The following SNRPG variants were observed in gnomAD, a reference collection of about 807,000 sequenced individuals.
SNRPG encodes small nuclear ribonucleoprotein G.
Under a neutral mutation model 13.9 loss-of-function variants are expected in SNRPG, and 3 were observed. The observed-to-expected ratio is 0.22, with a 90% confidence interval of 0.10 to 0.56. The LOEUF is 0.56. SNRPG is among the 20% of genes least tolerant of loss of function. SNRPG has a pLI of 0.93. For missense variants in SNRPG, 34 were observed against 96.1 expected, an observed-to-expected ratio of 0.35 and a Z score of 2.70; for synonymous variants, 29 against 29.3, an observed-to-expected ratio of 0.99 and a Z score of 0.03.
At chr2:70,289,943 CTAA>C (rs1183813547) in intron 1 of SNRPG, among the ~76,000 whole-genome samples, 1 of 151,368 alleles carries the variant, frequency 6.6e-6, no homozygotes, top group Non-Finnish European at 1.5e-5. Flanking sequence ...GTAGAGTATA[CTAA>C]TGTGAATTAC....
Position 70,289,388 on chromosome 2 carries a change from G to C in SNRPG, c.33-16C>G, listed in dbSNP as rs1366202887. On this transcript the variant is annotated splice_polypyrimidine_tract_variant and intron_variant, in intron 1 of 3. Coordinates refer to ENST00000272348, the MANE Select transcript of SNRPG (RefSeq NM_003096.4). ...GTCCATAAATCTGAAAAAGGAAAAG[G>C]GTAAAGATTATATAACCAATTAAAA... The C allele has an allele frequency of 1.4e-6, 2 of 1,381,146 alleles. No homozygotes were observed. Among genetic ancestry groups the C allele is most frequent in the African/African-American group, 1.5e-5 (1 of 68,652 alleles). 85.6% of individuals were successfully genotyped at this position (1,381,146 alleles called of 1,614,324 possible).
intron 1 of SNRPG, among the ~76,000 whole-genome samples, chr2:70,290,677 A>G (rs966691193): frequency 1.3e-5 from 2 of 151,858 alleles, no homozygotes; most frequent in African/African-American, 4.8e-5. Flanking sequence ...GGGAGTAGAT[A>G]CATTTACAAG....
At position 70,281,513 on chromosome 2, in the gene SNRPG, A is replaced by C; in HGVS notation, c.*121T>G. The C allele has an allele frequency of 1.9e-6, 1 of 517,320 alleles. No individual in the cohort carries two copies. Among genetic ancestry groups the C allele is most frequent in the South Asian group, 3.8e-5 (1 of 26,488 alleles). The allele number at this position is 517,320 out of a possible 1,614,324, so 32.0% of individuals were successfully genotyped here. A position where few individuals can be genotyped will look rare whatever the true frequency, so the allele number is the denominator to read the frequency against. ...AACATCTGAGAAAGCATTTTTGACT[A>C]TTACAAAAGTTTATTTAACAAAAAG... is the stretch of plus-strand genomic sequence containing the variant. On this transcript the variant is annotated 3_prime_UTR_variant, in exon 4 of 4. Coordinates refer to ENST00000272348, the MANE Select transcript of SNRPG (RefSeq NM_003096.4).
At chr2:70,287,139 T>C in intron 3 of SNRPG, 1 of 588,112 alleles carries the variant, frequency 1.7e-6, no homozygotes, top group Non-Finnish European at 3.0e-6. Flanking sequence ...AACACAAACC[T>C]TGGAAAGAAT....
chr2:70,287,556 T>G (rs1696974138), intron 3 of SNRPG, among the ~76,000 whole-genome samples: 1 of 152,240 alleles, frequency 6.6e-6, no homozygotes, highest in African/African-American at 2.4e-5. Flanking sequence ...AACTTTTACC[T>G]TGGCTACCTT....
rs1696989541 is a variant in SNRPG at position 70,288,167 on chromosome 2, G to C, written c.81C>G (p.Val27=). ...GATCAAATCCCCGCAATATTCCTTG[G>C]ACATGTCTGCCACCATTTAATTTCA... is the stretch of plus-strand genomic sequence containing the variant. ...LSLKLNGGRH[V]QGILRGFDPF... The change falls in exon 3 of 4, where the codon GTC becomes GTG. Residue 27 remains valine (V), a synonymous_variant. Coordinates refer to ENST00000272348, the MANE Select transcript of SNRPG (RefSeq NM_003096.4). 1 of 1,612,112 alleles carries C rather than the reference G, an allele frequency of 6.2e-7. No homozygotes were observed. The highest frequency in any genetic ancestry group is 1.3e-5 in the African/African-American group (1 of 74,842).
At chr2:70,281,775 T>C (rs1696791901) in intron 3 of SNRPG, 91 bp from the exon 4 acceptor site, 2 of 716,192 alleles carry the variant, frequency 2.8e-6, no homozygotes, top group Non-Finnish European at 4.8e-6. Context: ...TCATTAATGG[T>C]TTTTTAATAT....
chr2:70,281,830 A>C (rs1421192433), intron 3 of SNRPG, 146 bp from the exon 4 acceptor site: 14 of 554,200 alleles, frequency 2.5e-5, no homozygotes, highest in East Asian at 3.2e-5. Flanking sequence ...AGGGACACCA[A>C]ACAACTCTAA....
chr2:70,287,534 AT>A (rs1341027403), intron 3 of SNRPG, among the ~76,000 whole-genome samples: 1 of 152,192 alleles, frequency 6.6e-6, no homozygotes, highest in East Asian at 1.9e-4. Context: ...TGTCATTGTG[AT>A]TATCCCTTGT....
rs1696994022 is a variant in SNRPG, at chr2:70,288,341, G to T, written c.56-149C>A. On this transcript the variant is annotated intron_variant, in intron 2 of 3. Coordinates refer to ENST00000272348, the MANE Select transcript of SNRPG (RefSeq NM_003096.4). ...GACAAGAACTGGGTTAAACATTTTTGTATTTACTTCCACATTTTAATTTAT... is the reference window on the plus strand; with the variant it reads ...GACAAGAACTGGGTTAAACATTTTTTTATTTACTTCCACATTTTAATTTAT... 6 of 642,242 alleles carry T rather than the reference G, an allele frequency of 9.3e-6. No individual in the cohort carries two copies. In the South Asian group the frequency reaches 1.1e-4, roughly 12 times the overall value. The allele number at this position is 642,242 out of a possible 1,614,324, so 39.8% of individuals were successfully genotyped here.
chr2:70,293,519 G>A, intron 1 of SNRPG, 99 bp downstream of exon 1: 2 of 1,048,708 alleles, frequency 1.9e-6, no homozygotes, highest in East Asian at 2.4e-5. Flanking sequence ...AAGAAATGAA[G>A]TGAAGCGGCT....
chr2:70,287,552 T>A (rs970835880), intron 3 of SNRPG, among the ~76,000 whole-genome samples: 1 of 152,244 alleles, frequency 6.6e-6, no homozygotes, highest in Non-Finnish European at 1.5e-5. Flanking sequence ...TTGTAACTTT[T>A]ACCTTGGCTA....
intron 3 of SNRPG, among the ~76,000 whole-genome samples, chr2:70,286,668 T>TA (rs1052854178): frequency 1.3e-5 from 2 of 152,020 alleles, no homozygotes; most frequent in African/African-American, 4.8e-5. Flanking sequence ...GCAAAGAAAA[T>TA]AAAGTCCATA....
At chr2:70,287,156 T>TA in intron 3 of SNRPG, 2 of 593,686 alleles carry the variant, frequency 3.4e-6, no homozygotes, top group Admixed American at 6.3e-5. Flanking sequence ...GAATGGTATG[T>TA]AAAAAAATTA....
intron 2 of SNRPG, 74 bp from the exon 3 acceptor site, chr2:70,288,266 G>A: frequency 7.8e-7 from 1 of 1,286,938 alleles, no homozygotes; most frequent in Non-Finnish European, 1.1e-6. Flanking sequence ...AATCAGGTGG[G>A]ATAAAACACA....
chr2:70,285,085 A>G (rs573768466), intron 3 of SNRPG, among the ~76,000 whole-genome samples: 1 of 152,276 alleles, frequency 6.6e-6, no homozygotes, highest in Admixed American at 6.5e-5. Flanking sequence ...CCTTTTTTTA[A>G]CTTAATACTA....
intron 2 of SNRPG, 146 bp from the exon 3 acceptor site, chr2:70,288,338 T>C: frequency 1.5e-6 from 1 of 650,882 alleles, no homozygotes; most frequent in Non-Finnish European, 2.7e-6. Context: ...GTTAAACATT[T>C]TTGTATTTAC....
chr2:70,289,250 G>A, intron 2 of SNRPG, 100 bp downstream of exon 2: 2 of 731,832 alleles, frequency 2.7e-6, no homozygotes, highest in Non-Finnish European at 4.6e-6. Context: ...ATCGCGCCTG[G>A]CTGCTTTAAA....
At chr2:70,286,414 T>G (rs1402863394) in intron 3 of SNRPG, among the ~76,000 whole-genome samples, 1 of 150,704 alleles carries the variant, frequency 6.6e-6, no homozygotes, top group Admixed American at 6.6e-5. Flanking sequence ...TCATCTCTGT[T>G]CTTGCCTTTT....
Sources: allele counts gnomAD v4.1 joint callset (sites outside exome capture counted in the v4.1 genomes callset), GRCh38; gene constraint gnomAD v4.1.1; transcripts MANE v1.5; gene names NCBI Gene and HGNC (gene_info 2026-07-23, HGNC 2026-07-21).